RARB: variants seen among roughly 807,000 people sequenced by gnomAD.
RARB encodes the protein HBV-activated protein.
RARB carries 17 observed loss-of-function variants against 51.9 expected under a neutral mutation model. The observed-to-expected ratio is 0.33, with a 90% CI of 0.22 to 0.49. RARB has a LOEUF of 0.49. Ranked by LOEUF, RARB falls within the 20% of genes least tolerant of loss-of-function variation. The probability of loss-of-function intolerance (pLI) is 0.99; values close to 1 mark genes in which losing one functional copy is unlikely to be tolerated. For missense variants in RARB, 369 were observed against 550.8 expected, an observed-to-expected ratio of 0.67 and a Z score of 3.30; for synonymous variants, 215 against 195.4, an observed-to-expected ratio of 1.10 and a Z score of -0.84.
rs542420130 is a variant in RARB at position 25,121,841 on chromosome 3, T to G, written c.-327-10320T>G. On this transcript the variant is annotated intron_variant, in intron 3 of 11. Coordinates refer to the RARB transcript ENST00000383772. ...TAGGAATAATAACCTTGCAGGTATT[T>G]GAAGACCATTTGGAGGTTCATTGAG... Among the ~76,000 whole-genome samples, 8 of 152,326 alleles carry G rather than the reference T, an allele frequency of 5.3e-5. No individual in the cohort carries two copies. In the East Asian group the frequency reaches 1.5e-3, roughly 29 times the overall value.
chr3:25,355,862 C>T (rs918049944), intron 5 of RARB, among the ~76,000 whole-genome samples: 30 of 151,852 alleles, frequency 2.0e-4, no homozygotes, highest in African/African-American at 7.3e-4. Flanking sequence ...ATTTTATTTG[C>T]TTTGTGAGTA....
chr3:25,503,701 G>A (rs1397694987), intron 3 of RARB, among the ~76,000 whole-genome samples: 2 of 152,212 alleles, frequency 1.3e-5, no homozygotes, highest in South Asian at 4.1e-4. Context: ...CACTTGGAAT[G>A]TAGAGATTGA....
chr3:24,909,725 A>T (rs190932665), intron 2 of RARB, among the ~76,000 whole-genome samples: 1 of 152,156 alleles, frequency 6.6e-6, no homozygotes, highest in Admixed American at 6.5e-5. Context: ...TGGATTTTTA[A>T]GATGATTCTT....
chr3:25,249,545 A>T (rs1299409878), intron 5 of RARB, among the ~76,000 whole-genome samples: 2 of 151,940 alleles, frequency 1.3e-5, no homozygotes, highest in East Asian at 3.9e-4. Context: ...TGTACCTCTG[A>T]TATAATAGTT....
intron 2 of RARB, among the ~76,000 whole-genome samples, chr3:25,047,405 A>T (rs545902149): frequency 6.6e-6 from 1 of 152,276 alleles, no homozygotes; most frequent in East Asian, 1.9e-4. Flanking sequence ...ATCCATAAGG[A>T]AAAGCTGGGG....
intron 1 of RARB, among the ~76,000 whole-genome samples, chr3:24,834,679 C>G: frequency 6.6e-6 from 1 of 152,128 alleles, no homozygotes; most frequent in East Asian, 1.9e-4. Context: ...AGTGATCATT[C>G]AGTGGTATCA....
chr3:24,879,778 G>T (rs1175091744), intron 2 of RARB, among the ~76,000 whole-genome samples: 1 of 152,200 alleles, frequency 6.6e-6, no homozygotes, highest in Non-Finnish European at 1.5e-5. Context: ...CCAGTTCTCA[G>T]TGGAGAGATT....
intron 2 of RARB, among the ~76,000 whole-genome samples, chr3:24,930,525 C>T (rs577149312): frequency 1.3e-5 from 2 of 152,076 alleles, no homozygotes; most frequent in African/African-American, 4.8e-5. Context: ...ATAGCAGGTG[C>T]TTCCTTACCT....
rs183972116 is a variant in RARB at position 25,156,107 on chromosome 3, C to A, written c.-279-18012C>A. ...TCTTCTGTAGCCAAACCAGCCACAT[C>A]AGCATCAATAGTAGTTAATAGATAA... On this transcript the variant is annotated intron_variant, in intron 4 of 11. Coordinates refer to the RARB transcript ENST00000383772. Among the ~76,000 whole-genome samples the A allele has an allele frequency of 6.2e-4, 94 of 152,276 alleles. 1 individual carries two copies. Among genetic ancestry groups the A allele is most frequent in the African/African-American group, 2.1e-3 (87 of 41,546 alleles).
At chr3:24,954,964 C>T (rs1473774987) in intron 2 of RARB, among the ~76,000 whole-genome samples, 1 of 152,122 alleles carries the variant, frequency 6.6e-6, no homozygotes, top group Non-Finnish European at 1.5e-5. Flanking sequence ...TAATGCTCTT[C>T]TAGCAGTTGC....
rs184846414 is a variant in RARB at position 25,341,292 on chromosome 3, G to A, written c.179-119901G>A. On this transcript the variant is annotated intron_variant, in intron 5 of 11. Transcript: ENST00000383772. ...CTGTCCATAAAGTCTGGAAACATAG[G>A]TGAATATACATAAGATCACCAAGGA... is the stretch of plus-strand genomic sequence containing the variant. 2.0e-5 allele frequency among the ~76,000 whole-genome samples: 3 copies of A among 152,244 alleles called. No homozygotes were observed. In the East Asian group the frequency reaches 5.8e-4, roughly 29 times the overall value.
In RARB at chr3:24,922,271, A is replaced by G. The variant is rs999182674; in HGVS notation, c.-380+63519A>G. On this transcript the variant is annotated intron_variant, in intron 2 of 11. Transcript: ENST00000383772. ...AGGTAATGTTTGTAAAATGTGAAGCATAATTCCTGGCACACAGAACTGCAC... is the reference window on the plus strand; with the variant it reads ...AGGTAATGTTTGTAAAATGTGAAGCGTAATTCCTGGCACACAGAACTGCAC... Among the ~76,000 whole-genome samples, 8 of 152,228 alleles carry G rather than the reference A, an allele frequency of 5.3e-5. No homozygotes were observed. The South Asian group carries it at 1.2e-3, about 24-fold the overall frequency.
At chr3:25,408,400 T>A (rs1707471638) in intron 5 of RARB, among the ~76,000 whole-genome samples, 1 of 151,856 alleles carries the variant, frequency 6.6e-6, no homozygotes, top group Non-Finnish European at 1.5e-5. Flanking sequence ...AGAGAAAGAA[T>A]GAAGGGAGAA....
intron 5 of RARB, among the ~76,000 whole-genome samples, chr3:25,324,934 C>A (rs1389522880): frequency 1.3e-5 from 2 of 152,234 alleles, no homozygotes; most frequent in Admixed American, 6.5e-5. Flanking sequence ...CTCAAGAGAG[C>A]GTTCTTAGAT....
chr3:24,980,848 A>C (rs978297540), intron 2 of RARB, among the ~76,000 whole-genome samples: 2 of 152,126 alleles, frequency 1.3e-5, no homozygotes, highest in Admixed American at 1.3e-4. Flanking sequence ...AGAGGCATTC[A>C]GGTTTTTGGA....
chr3:25,248,514 A>G (rs1601161), intron 5 of RARB, among the ~76,000 whole-genome samples: 15,635 of 151,630 alleles, frequency 0.1, 998 homozygotes, highest in South Asian at 0.26. Flanking sequence ...TCCTTTCCTT[A>G]TGGTGTGTTT....
At chr3:24,893,378 T>C (rs1345348905) in intron 2 of RARB, among the ~76,000 whole-genome samples, 1 of 152,268 alleles carries the variant, frequency 6.6e-6, no homozygotes, top group African/African-American at 2.4e-5. Flanking sequence ...TTCATTTAAA[T>C]GCTTGAAGAC....
chr3:25,179,734 G>A (rs1700825210), intron 5 of RARB, among the ~76,000 whole-genome samples: 1 of 152,124 alleles, frequency 6.6e-6, no homozygotes, highest in African/African-American at 2.4e-5. Flanking sequence ...AGAGTCATGT[G>A]TATTTAAGAG....
chr3:24,994,472 T>C (rs1389996075), intron 2 of RARB, among the ~76,000 whole-genome samples: 8 of 152,292 alleles, frequency 5.3e-5, no homozygotes, highest in African/African-American at 1.4e-4. Context: ...GCTGATTGTT[T>C]CCTTTGCTGT....
Sources: gnomAD v4.1 joint callset for allele counts (sites outside exome capture counted in the v4.1 genomes callset) on GRCh38, gnomAD v4.1.1 for gene constraint, MANE v1.5 for transcripts, NCBI Gene and HGNC (gene_info 2026-07-23, HGNC 2026-07-21) for gene names.